Variants in ASS1 observed in about 807,000 individuals in gnomAD.
ASS1 encodes argininosuccinate synthase.
In ASS1, 58 loss-of-function variants were observed where a neutral mutation model predicts 60.5. That is an observed-to-expected ratio of 0.96 (90% CI 0.78 to 1.19). The LOEUF is 1.19. ASS1 is among the 50% of genes most tolerant of loss of function. ASS1 has a pLI of 0.00. For missense variants in ASS1, 454 were observed against 547.3 expected (o/e 0.83, Z 1.70); for synonymous variants, 200 against 206.9 (o/e 0.97, Z 0.29).
intron 8 of ASS1, among the ~76,000 whole-genome samples, chr9:130,473,074 C>T (rs986619202): frequency 2.0e-5 from 3 of 152,218 alleles, no homozygotes; most frequent in Non-Finnish European, 2.9e-5. Context: ...CCTCCTGTCT[C>T]ATGAGGGCAT....
intron 1 of ASS1, 147 bp downstream of exon 1, chr9:130,445,142 G>A (rs1588465538): frequency 1.0e-6 from 1 of 985,280 alleles, no homozygotes; most frequent in East Asian, 1.1e-4. Flanking sequence ...CGGGGACTGG[G>A]ACCGAGGCAG....
intron 13 of ASS1, among the ~76,000 whole-genome samples, chr9:130,498,381 C>T (rs1469385574): frequency 6.6e-6 from 1 of 152,104 alleles, no homozygotes; most frequent in Non-Finnish European, 1.5e-5. Flanking sequence ...CAGAGGCTGG[C>T]CTTGTGGAGT....
rs73541961 is a variant in ASS1 at position 130,454,394 on chromosome 9, A to G, written c.174+21A>G. The G allele has an allele frequency of 0.011, 17,486 of 1,611,758 alleles. 1,375 individuals are homozygous for G. The African/African-American group carries it at 0.18, about 17-fold the overall frequency. ...AAAAGGTACCAGGCGGGAGGCAGGG[A>G]TTTGGGCTGGGAGTGGGGCGGTGAT... On this transcript the variant is annotated intron_variant, in intron 3 of 14. Transcript: ENST00000352480.
chr9:130,458,919 C>T (rs1345920410), intron 4 of ASS1, among the ~76,000 whole-genome samples: 2 of 152,240 alleles, frequency 1.3e-5, no homozygotes, highest in South Asian at 4.1e-4. Context: ...CCCCAGGGGA[C>T]ACGCAGGAAA....
At chr9:130,466,196 C>A (rs1202552422) in intron 5 of ASS1, among the ~76,000 whole-genome samples, 1 of 152,236 alleles carries the variant, frequency 6.6e-6, no homozygotes, top group Admixed American at 6.5e-5. Flanking sequence ...CCAGCTCAGG[C>A]CGAGGGGCTC....
chr9:130,485,940 T>C, intron 11 of ASS1, among the ~76,000 whole-genome samples: 1 of 152,180 alleles, frequency 6.6e-6, no homozygotes, highest in East Asian at 1.9e-4. Flanking sequence ...CATTCCCCTT[T>C]CTGGTGGCTT....
In ASS1 at chr9:130,479,849, C is replaced by T. The variant is rs763389916; in HGVS notation, c.773+49C>T. 11 of 1,561,222 alleles carry T rather than the reference C, an allele frequency of 7.0e-6. No individual in the cohort carries two copies. The highest frequency in any genetic ancestry group is 4.1e-5 in the African/African-American group (3 of 73,690). On this transcript the variant is annotated intron_variant, in intron 10 of 14. Transcript: ENST00000352480. ...GCCTCTTGGGAACCGCCGTCTCGGG[C>T]GAGCACGAGCCTGGACCGTTGCAGC...
At chr9:130,495,492 C>CACACAT (rs1176372426) in intron 13 of ASS1, among the ~76,000 whole-genome samples, 3 of 151,194 alleles carry the variant, frequency 2.0e-5, no homozygotes, top group African/African-American at 7.3e-5. Flanking sequence ...CACACACACA[C>CACACAT]ACACACACAT....
At position 130,489,223 on chromosome 9, in the gene ASS1, C is replaced by A. The variant is rs2118863714; in HGVS notation, c.839-110C>A. 6.8e-7 allele frequency: 1 copy of A among 1,470,138 alleles called. No homozygotes were observed. The highest frequency in any genetic ancestry group is 1.4e-5 in the African/African-American group (1 of 70,826). 91.1% of individuals were successfully genotyped at this position (1,470,138 alleles called of 1,614,324 possible). On this transcript the variant is annotated intron_variant, in intron 11 of 14. Transcript: ENST00000352480. This position sits in a 1 kb window ranked among gnomAD's most constrained non-coding sequence, Gnocchi z 4.1. Reference sequence around the variant, plus strand: ...TGGGTCCGGCCGGCTTGTCTCCTGTCAGACGACTCATTATTATTATTATTT... The same window carrying A: ...TGGGTCCGGCCGGCTTGTCTCCTGTAAGACGACTCATTATTATTATTATTT...
chr9:130,461,387 C>A (rs200636580), intron 4 of ASS1, among the ~76,000 whole-genome samples: 44,232 of 152,008 alleles, frequency 0.29, 6,985 homozygotes, highest in Middle Eastern at 0.37. Flanking sequence ...TGGGGGCCGA[C>A]AAAGGCGGGA....
chr9:130,445,933 A>G (rs1845183854), intron 1 of ASS1, among the ~76,000 whole-genome samples: 1 of 152,214 alleles, frequency 6.6e-6, no homozygotes, highest in African/African-American at 2.4e-5. Context: ...TCCCGCTCCC[A>G]GCAAGCACAA....
Position 130,461,133 on chromosome 9 carries a change from C to T in ASS1, c.363+2544C>T, listed in dbSNP as rs539820095. Among the ~76,000 whole-genome samples, 7 of 151,142 alleles carry T rather than the reference C, an allele frequency of 4.6e-5. No homozygotes were observed. In the South Asian group the frequency reaches 1.0e-3, roughly 22 times the overall value. ...AGGGGATCAGAATTCTGGGAGGGGT[C>T]CTGCCCTCAGGTCTTTCCAACGGTA... On this transcript the variant is annotated intron_variant, in intron 4 of 14. Coordinates refer to ENST00000352480, the MANE Select transcript of ASS1 (RefSeq NM_054012.4).
chr9:130,477,947 C>T lies in ASS1; in HGVS notation c.688+986C>T, dbSNP rs540188268. On this transcript the variant is annotated intron_variant, in intron 9 of 14. Coordinates refer to ENST00000352480, the MANE Select transcript of ASS1 (RefSeq NM_054012.4). This position sits in a 1 kb window ranked among gnomAD's most constrained non-coding sequence, Gnocchi z 4.2. ...AGGATAGGGTGGGGAAGCCTCAGGCCGGTGGGGAGGCAGAGCTGCAGATCC... is the reference window on the plus strand; with the variant it reads ...AGGATAGGGTGGGGAAGCCTCAGGCTGGTGGGGAGGCAGAGCTGCAGATCC... Among the ~76,000 whole-genome samples the T allele has an allele frequency of 3.8e-3, 585 of 152,090 alleles. 2 individuals carry two copies. Among genetic ancestry groups the T allele is most frequent in the African/African-American group, 0.013 (560 of 41,496 alleles).
At chr9:130,475,543 C>T (rs1191215339) in intron 8 of ASS1, among the ~76,000 whole-genome samples, 3 of 152,190 alleles carry the variant, frequency 2.0e-5, no homozygotes, top group African/African-American at 7.2e-5. Context: ...CCTCGCGGGG[C>T]TCCTGTCCTG....
At chr9:130,469,254 G>A (rs915271323) in intron 6 of ASS1, among the ~76,000 whole-genome samples, 4 of 152,236 alleles carry the variant, frequency 2.6e-5, no homozygotes, top group African/African-American at 7.2e-5. Flanking sequence ...CACAGGGCGA[G>A]TGTGTGGGCT....
chr9:130,476,521 C>T lies in ASS1; in HGVS notation c.598-350C>T, dbSNP rs555080493. 45 of 436,868 alleles carry T rather than the reference C, an allele frequency of 1.0e-4. No individual in the cohort carries two copies. The highest frequency in any genetic ancestry group is 8.2e-4 in the African/African-American group (41 of 50,214). The allele number at this position is 436,868 out of a possible 1,614,324, so 27.1% of individuals were successfully genotyped here. On this transcript the variant is annotated intron_variant, in intron 8 of 14. Coordinates refer to ENST00000352480, the MANE Select transcript of ASS1 (RefSeq NM_054012.4). This position sits in a 1 kb window ranked among gnomAD's most constrained non-coding sequence, Gnocchi z 4.9. ...CCCGAGCCGGCGAGAGCGTGCGTGC[C>T]GCTCCTGGGAAGCCCTCGGAACGCC...
rs995536983 is a variant in ASS1, at chr9:130,477,336, G to T, written c.688+375G>T. On this transcript the variant is annotated intron_variant, in intron 9 of 14. Coordinates refer to ENST00000352480, the MANE Select transcript of ASS1 (RefSeq NM_054012.4). This position sits in a 1 kb window ranked among gnomAD's most constrained non-coding sequence, Gnocchi z 4.2. ...CCTGGGGTAGAATGAGGCCTGCAAG[G>T]GAGCGTCCAGCCCTGGGCCCTGACC... is the stretch of plus-strand genomic sequence containing the variant. 2.2e-4 allele frequency among the ~76,000 whole-genome samples: 34 copies of T among 152,150 alleles called. No individual in the cohort carries two copies. Among genetic ancestry groups the T allele is most frequent in the African/African-American group, 8.2e-4 (34 of 41,440 alleles).
chr9:130,459,284 C>A lies in ASS1; in HGVS notation c.363+695C>A, dbSNP rs369043705. Among the ~76,000 whole-genome samples the A allele has an allele frequency of 6.6e-6, 1 of 152,104 alleles. No individual in the cohort carries two copies. The highest frequency in any genetic ancestry group is 1.9e-4 in the East Asian group (1 of 5,178). ...AGCGTGTGGCTGCGTCACTCCTGTC[C>A]TTCCGTCCTCCATCTTCCCAAGCTG... is the stretch of plus-strand genomic sequence containing the variant. On this transcript the variant is annotated intron_variant, in intron 4 of 14. Transcript: ENST00000352480. The surrounding 1 kb of genome is among the most constrained non-coding windows in gnomAD (Gnocchi z 4.6).
At chr9:130,471,351 G>T in intron 7 of ASS1, 134 bp from the exon 8 acceptor site, 1 of 1,118,708 alleles carries the variant, frequency 8.9e-7, no homozygotes, top group Non-Finnish European at 1.3e-6. Flanking sequence ...GTTTCAGGCA[G>T]GTTGGCAGCA....
Sources: allele counts gnomAD v4.1 joint callset (sites outside exome capture counted in the v4.1 genomes callset), GRCh38; gene constraint gnomAD v4.1.1; non-coding constraint Gnocchi (gnomAD v3.1); transcripts MANE v1.5; gene names NCBI Gene and HGNC (gene_info 2026-07-23, HGNC 2026-07-21).